Variants in TTC28 observed in about 807,000 individuals in gnomAD.
TTC28 encodes the protein tetratricopeptide repeat domain 28.
Under a neutral mutation model 198.0 loss-of-function variants are expected in TTC28, and 61 were observed. The ratio of observed to expected loss-of-function variants is 0.31; its 90% CI spans 0.25 to 0.38. The LOEUF (loss-of-function observed/expected upper bound fraction) is 0.38, where lower values mean the gene tolerates loss of function less well. Ranked by LOEUF, TTC28 falls within the 10% of genes least tolerant of loss-of-function variation. The pLI is 1.00. For synonymous variants in TTC28, 1,171 were observed against 1,297.8 expected (o/e 0.90, Z 2.10); for missense variants, 2,678 against 3,164.0 (o/e 0.85, Z 3.69).
chr22:28,508,999 T>C (rs542526053), intron 2 of TTC28, among the ~76,000 whole-genome samples: 5 of 152,074 alleles, frequency 3.3e-5, no homozygotes, highest in Admixed American at 3.3e-4. Context: ...GAGACCAGCC[T>C]AGCCAACACA....
chr22:28,014,477 T>C (rs925660900), intron 13 of TTC28, 85 bp from the exon 14 acceptor site: 2 of 1,431,504 alleles, frequency 1.4e-6, no homozygotes, highest in Non-Finnish European at 1.8e-6. Context: ...TGCCCCTGTA[T>C]GGAAGGCAGG....
chr22:28,601,904 G>C (rs2050645842), intron 2 of TTC28, among the ~76,000 whole-genome samples: 2 of 151,778 alleles, frequency 1.3e-5, no homozygotes, highest in Admixed American at 6.6e-5. Context: ...CTCCTATTCT[G>C]ATATATTCTG....
At chr22:28,577,096 T>A (rs913159524) in intron 2 of TTC28, among the ~76,000 whole-genome samples, 6 of 152,148 alleles carry the variant, frequency 3.9e-5, no homozygotes, top group African/African-American at 1.4e-4. Flanking sequence ...ATTTTTGATG[T>A]AGACACTTAT....
At chr22:27,994,588 C>T (rs1238593294) in intron 17 of TTC28, 1 of 152,140 alleles carries the variant, frequency 6.6e-6, no homozygotes, top group African/African-American at 2.4e-5. Flanking sequence ...GGCTGTCCCT[C>T]AGGAGCGGGG....
chr22:28,390,579 T>C (rs1461092103), intron 2 of TTC28, among the ~76,000 whole-genome samples: 2 of 152,230 alleles, frequency 1.3e-5, no homozygotes, highest in African/African-American at 4.8e-5. Flanking sequence ...GTTGAATTGA[T>C]CCCTTTACCA....
intron 2 of TTC28, among the ~76,000 whole-genome samples, chr22:28,332,776 T>C (rs2045637692): frequency 6.6e-6 from 1 of 152,142 alleles, no homozygotes; most frequent in African/African-American, 2.4e-5. Flanking sequence ...ATATCTTTTT[T>C]ATTTCCATAA....
At chr22:28,676,638 C>T (rs537581646) in intron 1 of TTC28, among the ~76,000 whole-genome samples, 12 of 151,932 alleles carry the variant, frequency 7.9e-5, no homozygotes, top group African/African-American at 2.7e-4. Flanking sequence ...TCTTCTTCAG[C>T]GCAATCTCAA....
At chr22:28,213,980 T>C (rs1927156441) in intron 5 of TTC28, among the ~76,000 whole-genome samples, 1 of 152,050 alleles carries the variant, frequency 6.6e-6, no homozygotes. Flanking sequence ...ATGCCGCATA[T>C]CTACAACCAT....
intron 2 of TTC28, among the ~76,000 whole-genome samples, chr22:28,414,277 A>T (rs1260485597): frequency 2.6e-5 from 4 of 152,210 alleles, no homozygotes; most frequent in Non-Finnish European, 5.9e-5. Flanking sequence ...AGCTCTCTTG[A>T]GAGTAATAAT....
chr22:28,294,614 G>A (rs986518303), intron 5 of TTC28, among the ~76,000 whole-genome samples: 5 of 151,484 alleles, frequency 3.3e-5, no homozygotes, highest in African/African-American at 1.2e-4. Context: ...TGTCACCCAG[G>A]CTGGACTTCA....
chr22:28,311,373 T>C (rs1016723715), intron 2 of TTC28, among the ~76,000 whole-genome samples: 2 of 152,120 alleles, frequency 1.3e-5, no homozygotes, highest in African/African-American at 2.4e-5. Context: ...GCAAAAATGA[T>C]TATAAGAGGC....
chr22:28,143,996 G>GA (rs1314081463), intron 6 of TTC28, among the ~76,000 whole-genome samples: 1 of 151,854 alleles, frequency 6.6e-6, no homozygotes, highest in Non-Finnish European at 1.5e-5. Context: ...AGAGAGTAGA[G>GA]AAAAAGAAGG....
rs1035292882 is a variant in TTC28 at position 28,001,208 on chromosome 22, G to A, written c.4398+166C>T. 16 of 879,612 alleles carry A rather than the reference G, an allele frequency of 1.8e-5. No homozygotes were observed. In the African/African-American group the frequency reaches 2.0e-4, roughly 11 times the overall value. 54.5% of individuals were successfully genotyped at this position (879,612 alleles called of 1,614,324 possible). ...TCATGAGGGCCGTGCCCCACTTTTG[G>A]ACAGACCTACTCTAAAGTCACGCTA... On this transcript the variant is annotated intron_variant, in intron 15 of 22. Coordinates refer to ENST00000397906, the MANE Select transcript of TTC28 (RefSeq NM_001145418.2).
chr22:28,153,098 A>G (rs564954385), intron 6 of TTC28, among the ~76,000 whole-genome samples: 1 of 152,180 alleles, frequency 6.6e-6, no homozygotes, highest in South Asian at 2.1e-4. Flanking sequence ...GGAATCCAGA[A>G]TTTTCTGATT....
At chr22:28,349,827 T>C (rs2045965251) in intron 2 of TTC28, among the ~76,000 whole-genome samples, 1 of 152,184 alleles carries the variant, frequency 6.6e-6, no homozygotes, top group South Asian at 2.1e-4. Context: ...CTAAAAAACA[T>C]TTGAATTAAC....
chr22:28,553,904 T>A (rs2049743428), intron 2 of TTC28, among the ~76,000 whole-genome samples: 1 of 152,200 alleles, frequency 6.6e-6, no homozygotes, highest in Admixed American at 6.5e-5. Context: ...CGGGCCATGA[T>A]GACAGTGGCA....
intron 13 of TTC28, among the ~76,000 whole-genome samples, chr22:28,021,359 G>A (rs736531): frequency 0.04 from 6,135 of 152,254 alleles, 183 homozygotes; most frequent in Non-Finnish European, 0.053. Context: ...AGCCACTACC[G>A]TGGGGCCAGC....
chr22:28,496,542 A>G (rs1043948321), intron 2 of TTC28, among the ~76,000 whole-genome samples: 1 of 152,032 alleles, frequency 6.6e-6, no homozygotes, highest in East Asian at 1.9e-4. Flanking sequence ...AATATTTCCA[A>G]TTAGTTAATA....
intron 2 of TTC28, among the ~76,000 whole-genome samples, chr22:28,389,368 G>A (rs966050361): frequency 6.6e-5 from 10 of 151,642 alleles, no homozygotes; most frequent in African/African-American, 2.2e-4. Context: ...AAATGAGTTA[G>A]GGAGGATTCC....
Sources: gnomAD v4.1 joint callset for allele counts (sites outside exome capture counted in the v4.1 genomes callset) on GRCh38, gnomAD v4.1.1 for gene constraint, MANE v1.5 for transcripts, NCBI Gene and HGNC (gene_info 2026-07-23, HGNC 2026-07-21) for gene names.